Variants in CNOT1 observed in about 807,000 individuals in gnomAD.
CNOT1 encodes CCR4-NOT transcription complex subunit 1, also known as CCR4-associated factor 1.
Under a neutral mutation model 273.8 loss-of-function variants are expected in CNOT1, and 15 were observed. The observed-to-expected ratio is 0.05, with a 90% CI of 0.04 to 0.08. The LOEUF (loss-of-function observed/expected upper bound fraction) is 0.08, where lower values mean the gene tolerates loss of function less well. Among genes scored for constraint, CNOT1 ranks in the 10% least tolerant of loss-of-function variants. The pLI is 1.00. For missense variants in CNOT1, 1,644 were observed against 2,912.2 expected, an observed-to-expected ratio of 0.56 and a Z score of 10.02; for synonymous variants, 1,022 against 1,005.5, an observed-to-expected ratio of 1.02 and a Z score of -0.31.
At chr16:58,612,498 G>A (rs1255305501) in intron 1 of CNOT1, among the ~76,000 whole-genome samples, 1 of 152,100 alleles carries the variant, frequency 6.6e-6, no homozygotes, top group Non-Finnish European at 1.5e-5. Flanking sequence ...CAGCACTTTG[G>A]GAGGCCAAGG....
At chr16:58,577,924 A>C (rs1237195410) in intron 13 of CNOT1, among the ~76,000 whole-genome samples, 1 of 152,196 alleles carries the variant, frequency 6.6e-6, no homozygotes. Context: ...ATTCTACAAA[A>C]TTAGAGGTAA....
chr16:58,539,989 A>T, intron 34 of CNOT1, 30 bp from the exon 35 acceptor site: 1 of 1,581,318 alleles, frequency 6.3e-7, no homozygotes, highest in Non-Finnish European at 8.6e-7. Flanking sequence ...AACCAACAAG[A>T]GACAAAAGAA....
chr16:58,589,341 C>T (rs1410535974), intron 2 of CNOT1, among the ~76,000 whole-genome samples: 1 of 152,098 alleles, frequency 6.6e-6, no homozygotes, highest in African/African-American at 2.4e-5. Context: ...GGTGAAACCC[C>T]GTCTCTACTA....
Position 58,555,113 on chromosome 16 carries a change from T to G in CNOT1, c.2891+138A>C. ...GTCCCAGCTACTCAGGAGGCTGAAGTGGGAGAATCACTTGAGCCCGCAAGG... is the reference window on the plus strand; with the variant it reads ...GTCCCAGCTACTCAGGAGGCTGAAGGGGGAGAATCACTTGAGCCCGCAAGG... On this transcript the variant is annotated intron_variant, in intron 21 of 48. Coordinates refer to ENST00000317147, the MANE Select transcript of CNOT1 (RefSeq NM_016284.5). 17 of 1,243,810 alleles carry G rather than the reference T, an allele frequency of 1.4e-5. No individual in the cohort carries two copies. In the South Asian group the frequency reaches 2.3e-4, roughly 16 times the overall value. 77.0% of individuals were successfully genotyped at this position (1,243,810 alleles called of 1,614,324 possible). A position where few individuals can be genotyped will look rare whatever the true frequency, so the allele number is the denominator to read the frequency against.
chr16:58,622,898 G>T (rs1008592641), intron 1 of CNOT1, among the ~76,000 whole-genome samples: 1 of 151,434 alleles, frequency 6.6e-6, no homozygotes, highest in Non-Finnish European at 1.5e-5. Flanking sequence ...GTTAGATAGC[G>T]TCTTTGAAAA....
intron 46 of CNOT1, among the ~76,000 whole-genome samples, chr16:58,524,420 T>C (rs1597392460): frequency 1.3e-5 from 2 of 152,170 alleles, no homozygotes; most frequent in South Asian, 4.1e-4. Context: ...TTTGTGAGTC[T>C]GTCACAGTGA....
At chr16:58,535,388 T>C (rs2039894179) in intron 39 of CNOT1, among the ~76,000 whole-genome samples, 1 of 152,176 alleles carries the variant, frequency 6.6e-6, no homozygotes, top group African/African-American at 2.4e-5. Context: ...CTGAGTACTA[T>C]GGTCAAGGAG....
chr16:58,543,412 A>T (rs201890659), intron 31 of CNOT1, 195 bp downstream of exon 31: 20 of 369,408 alleles, frequency 5.4e-5, no homozygotes, highest in Non-Finnish European at 7.9e-5. Context: ...AATATAACAG[A>T]AAAAAAAAAA....
chr16:58,606,063 T>C (rs2042666225), intron 1 of CNOT1, among the ~76,000 whole-genome samples: 1 of 152,086 alleles, frequency 6.6e-6, no homozygotes, highest in Admixed American at 6.6e-5. Flanking sequence ...AAGTCAACTG[T>C]TACCTGAACA....
At chr16:58,626,329 C>A (rs2043579284) in intron 1 of CNOT1, among the ~76,000 whole-genome samples, 1 of 146,246 alleles carries the variant, frequency 6.8e-6, no homozygotes, top group Non-Finnish European at 1.5e-5. Flanking sequence ...ATCGCTTGAA[C>A]CTGCGAGGCA....
At chr16:58,566,937 C>A (rs1292237305) in intron 16 of CNOT1, among the ~76,000 whole-genome samples, 4 of 152,084 alleles carry the variant, frequency 2.6e-5, no homozygotes, top group Non-Finnish European at 5.9e-5. Context: ...AGCCTAGTAT[C>A]ATTGGTTTCT....
chr16:58,530,489 A>G (rs951598073), intron 42 of CNOT1, 142 bp from the exon 43 acceptor site: 1 of 548,072 alleles, frequency 1.8e-6, no homozygotes, highest in Non-Finnish European at 3.0e-6. Flanking sequence ...TTTACAAAAG[A>G]TCGGCATTAA....
chr16:58,575,783 GTA>G (rs2041439358), intron 14 of CNOT1, among the ~76,000 whole-genome samples: 1 of 146,902 alleles, frequency 6.8e-6, no homozygotes. Context: ...GGGCGACAGA[GTA>G]AGATTCTATC....
intron 44 of CNOT1, among the ~76,000 whole-genome samples, chr16:58,527,042 C>G (rs2039613453): frequency 1.3e-5 from 2 of 151,554 alleles, no homozygotes; most frequent in Admixed American, 1.3e-4. Flanking sequence ...ACCCCTGTCT[C>G]TTAAACAAAC....
chr16:58,582,022 G>A (rs2041674645), intron 10 of CNOT1, among the ~76,000 whole-genome samples: 1 of 151,244 alleles, frequency 6.6e-6, no homozygotes, highest in African/African-American at 2.4e-5. Context: ...AGTGGCTTAT[G>A]CCTGTAATCA....
intron 1 of CNOT1, among the ~76,000 whole-genome samples, 188 bp from the exon 2 acceptor site, chr16:58,599,699 A>G (rs1395792070): frequency 6.6e-6 from 1 of 152,182 alleles, no homozygotes; most frequent in Non-Finnish European, 1.5e-5. Flanking sequence ...ATGACTCTAA[A>G]AAGATAGTAA....
intron 22 of CNOT1, among the ~76,000 whole-genome samples, chr16:58,553,341 G>A (rs1490897123): frequency 2.0e-5 from 3 of 152,026 alleles, no homozygotes; most frequent in South Asian, 2.1e-4. Context: ...TAAGAAGCCT[G>A]TATTTTTAAT....
chr16:58,558,774 C>G, intron 17 of CNOT1, 100 bp from the exon 18 acceptor site: 1 of 1,446,576 alleles, frequency 6.9e-7, no homozygotes, highest in Non-Finnish European at 9.3e-7. Context: ...TCTTAAAAAG[C>G]AAACTATTAC....
intron 2 of CNOT1, among the ~76,000 whole-genome samples, chr16:58,597,378 G>A (rs955352057): frequency 6.6e-5 from 10 of 151,992 alleles, no homozygotes; most frequent in Non-Finnish European, 1.5e-4. Flanking sequence ...GGGAGGCTGA[G>A]ATAGGAAGAT....
Sources: gnomAD v4.1 joint callset for allele counts (sites outside exome capture counted in the v4.1 genomes callset) on GRCh38, gnomAD v4.1.1 for gene constraint, MANE v1.5 for transcripts, NCBI Gene and HGNC (gene_info 2026-07-23, HGNC 2026-07-21) for gene names.